MYOCD: variants seen among roughly 807,000 people sequenced by gnomAD.
MYOCD encodes the protein myocardin.
A neutral mutation model predicts 96.1 loss-of-function variants in MYOCD; 32 were observed. That is an observed-to-expected ratio of 0.33 (90% confidence interval 0.25 to 0.45). The LOEUF is 0.45. Ranked by LOEUF, MYOCD falls within the 20% of genes least tolerant of loss-of-function variation. The pLI, the probability that MYOCD is intolerant of heterozygous loss-of-function variation, is 1.00. For synonymous variants in MYOCD, 469 were observed against 469.0 expected, an observed-to-expected ratio of 1.00 and a Z score of 0.00; for missense variants, 1,133 against 1,200.6, an observed-to-expected ratio of 0.94 and a Z score of 0.83.
At chr17:12,742,350 T>C (rs1822791974) in intron 7 of MYOCD, among the ~76,000 whole-genome samples, 1 of 152,124 alleles carries the variant, frequency 6.6e-6, no homozygotes, top group East Asian at 1.9e-4. Context: ...CCAAGTGAGT[T>C]GTAAGCTCCT....
In MYOCD at chr17:12,763,730, C is replaced by CAGA. The variant is rs547629801; in HGVS notation, c.*99_*101dup. On this transcript the variant is annotated 3_prime_UTR_variant, in exon 14 of 14. Coordinates refer to ENST00000425538, the MANE Select transcript of MYOCD (RefSeq NM_001146312.3). ...CCATACATACTTTACTGTCCAAAAA[C>CAGA]AGAAGAAGAAGAAGAGAATTAAAAA... 4.3e-6 allele frequency: 5 copies of CAGA among 1,154,624 alleles called. No homozygotes were observed. The highest frequency in any genetic ancestry group is 4.9e-5 in the East Asian group (2 of 40,540). 71.5% of individuals were successfully genotyped at this position (1,154,624 alleles called of 1,614,324 possible). A position where few individuals can be genotyped will look rare whatever the true frequency, so the allele number is the denominator to read the frequency against.
chr17:12,753,190 C>T lies in MYOCD; in HGVS notation c.1902C>T (p.Ser634=), dbSNP rs1302131108. Residue 634 remains serine (S), a synonymous_variant, in exon 10 of 14, where the codon TCC becomes TCT. Transcript: ENST00000425538. ...LSSTFLSPQC[S]PQHSPLGAVK... is the part of the protein sequence containing the mutation. ...CCACATTTCTCAGCCCCCAGTGTTC[C>T]CCTCAGCATTCACCGCTGGGGGCTG... The T allele has an allele frequency of 6.2e-7, 1 of 1,614,160 alleles. No individual in the cohort carries two copies. Among genetic ancestry groups the T allele is most frequent in the Non-Finnish European group, 8.5e-7 (1 of 1,180,042 alleles).
At chr17:12,668,495 C>T (rs1013637651) in intron 1 of MYOCD, among the ~76,000 whole-genome samples, 1 of 152,232 alleles carries the variant, frequency 6.6e-6, no homozygotes, top group Non-Finnish European at 1.5e-5. Context: ...CGATGTCAAC[C>T]ATGGCCGACC....
intron 2 of MYOCD, 34 bp downstream of exon 2, chr17:12,705,227 A>G (rs766519875): frequency 2.7e-6 from 4 of 1,493,042 alleles, no homozygotes; most frequent in South Asian, 2.3e-5. Context: ...ACTGATATAC[A>G]TAGGGCCACA....
intron 10 of MYOCD, 32 bp downstream of exon 10, chr17:12,753,378 A>C: frequency 6.6e-7 from 1 of 1,507,026 alleles, no homozygotes; most frequent in Non-Finnish European, 8.9e-7. Flanking sequence ...CCTGGTGCAC[A>C]CTTCTTTCTG....
chr17:12,710,978 A>T (rs2031464432), intron 2 of MYOCD, among the ~76,000 whole-genome samples: 1 of 152,176 alleles, frequency 6.6e-6, no homozygotes, highest in South Asian at 2.1e-4. Flanking sequence ...GAGAAATTCC[A>T]AAGTGTTCAC....
chr17:12,666,249 G>T lies in MYOCD; in HGVS notation c.55+6G>T, dbSNP rs1257153165. On this transcript the variant is annotated splice_donor_region_variant and intron_variant, in intron 1 of 13. Coordinates refer to ENST00000425538, the MANE Select transcript of MYOCD (RefSeq NM_001146312.3). ...TAGGAGCAAGTTCAGATCAGGTAGGGCTAAGGCATTTAGCATTCCTTCTTA... is the reference window on the plus strand; with the variant it reads ...TAGGAGCAAGTTCAGATCAGGTAGGTCTAAGGCATTTAGCATTCCTTCTTA... The T allele has an allele frequency of 6.9e-6, 11 of 1,605,430 alleles. No individual in the cohort carries two copies. Among genetic ancestry groups the T allele is most frequent in the Non-Finnish European group, 9.4e-6 (11 of 1,172,250 alleles).
intron 1 of MYOCD, among the ~76,000 whole-genome samples, chr17:12,672,830 G>C (rs1342741732): frequency 6.6e-6 from 1 of 152,112 alleles, no homozygotes; most frequent in Non-Finnish European, 1.5e-5. Context: ...CTCTCACTTG[G>C]TTTGTGCAGC....
chr17:12,722,898 C>G lies in MYOCD; in HGVS notation c.305C>G (p.Ala102Gly), dbSNP rs2031885776. 6.2e-7 allele frequency: 1 copy of G among 1,613,960 alleles called. No homozygotes were observed. Among genetic ancestry groups the G allele is most frequent in the Non-Finnish European group, 8.5e-7 (1 of 1,179,862 alleles). The part of the protein sequence containing the change: ...IPTAQMKLKR[A>G]RLADDLNEKI... The stretch of plus-strand genomic sequence containing the variant: ...ACTGCTCAGATGAAGCTGAAAAGAG[C>G]CCGACTCGCCGATGATCTCAATGAA... The change falls in exon 5 of 14, where the codon GCC becomes GGC. Residue 102 changes from alanine (A) to glycine (G), a missense_variant. Ala to Gly is a moderately conservative substitution (Grantham distance 60). Transcript: ENST00000425538.
At chr17:12,755,787 G>A (rs1161707002) in intron 10 of MYOCD, among the ~76,000 whole-genome samples, 1 of 152,168 alleles carries the variant, frequency 6.6e-6, no homozygotes, top group East Asian at 1.9e-4. Flanking sequence ...TAAGGGAATA[G>A]CCTGAACCTG....
chr17:12,701,360 C>T lies in MYOCD; in HGVS notation c.56-3768C>T, dbSNP rs377036097. 2.8e-4 allele frequency among the ~76,000 whole-genome samples: 43 copies of T among 152,126 alleles called. No homozygotes were observed. The South Asian group carries it at 7.5e-3, about 26-fold the overall frequency. On this transcript the variant is annotated intron_variant, in intron 1 of 13. Coordinates refer to ENST00000425538, the MANE Select transcript of MYOCD (RefSeq NM_001146312.3). ...CTGGGAGTCGGAGGTTGCAGTGAGC[C>T]GAGATCGTGCCACTGCACTCCAGCC... is the stretch of plus-strand genomic sequence containing the variant.
chr17:12,737,780 G>A (rs751601871), intron 6 of MYOCD, among the ~76,000 whole-genome samples: 29 of 152,070 alleles, frequency 1.9e-4, no homozygotes, highest in African/African-American at 6.0e-4. Flanking sequence ...TCAGTGCCTC[G>A]TTTCCCAAAA....
rs143427492 is a variant in MYOCD, at chr17:12,736,264, A to G, written c.519A>G (p.Gln173=). 7.4e-6 allele frequency: 12 copies of G among 1,614,066 alleles called. No individual in the cohort carries two copies. The African/African-American group carries it at 1.2e-4, about 16-fold the overall frequency. The change falls in exon 6 of 14, where the codon CAA becomes CAG. Residue 173 remains glutamine (Q), a synonymous_variant. Transcript: ENST00000425538. ...ATCAGACTCGAAGTGAAGACCCCCA[A>G]AACTCAGCGGGATCCCCGCCAGACG... ...SPDQTRSEDP[Q]NSAGSPPDAK...
At chr17:12,747,459 C>G (rs2032700044) in intron 9 of MYOCD, among the ~76,000 whole-genome samples, 2 of 152,020 alleles carry the variant, frequency 1.3e-5, no homozygotes, top group Admixed American at 1.3e-4. Context: ...AGCAGGACAA[C>G]CGAGAGAAAA....
intron 8 of MYOCD, among the ~76,000 whole-genome samples, chr17:12,745,125 A>G (rs755044082): frequency 6.6e-6 from 1 of 152,060 alleles, no homozygotes; most frequent in Non-Finnish European, 1.5e-5. Context: ...GCTGACAGAC[A>G]CTCTCAAAGA....
intron 1 of MYOCD, among the ~76,000 whole-genome samples, chr17:12,700,031 C>A (rs1288498564): frequency 6.6e-6 from 1 of 151,490 alleles, no homozygotes; most frequent in Admixed American, 6.6e-5. Context: ...GCCTCAGCCT[C>A]CCGAGTAGCT....
chr17:12,686,287 G>A (rs1427098033), intron 1 of MYOCD, among the ~76,000 whole-genome samples: 1 of 152,222 alleles, frequency 6.6e-6, no homozygotes, highest in East Asian at 1.9e-4. Context: ...CTTTACAGAG[G>A]AGGAAACTGA....
intron 5 of MYOCD, among the ~76,000 whole-genome samples, chr17:12,726,057 T>C (rs1452417082): frequency 2.0e-5 from 3 of 152,228 alleles, no homozygotes; most frequent in South Asian, 2.1e-4. Context: ...ATTTTGCATC[T>C]ATTTCATTAT....
intron 3 of MYOCD, among the ~76,000 whole-genome samples, chr17:12,716,474 C>T (rs2031643439): frequency 6.6e-6 from 1 of 152,208 alleles, no homozygotes; most frequent in South Asian, 2.1e-4. Context: ...CTACCGACAG[C>T]CCCATCAAGA....
Sources: gnomAD v4.1 joint callset for allele counts (sites outside exome capture counted in the v4.1 genomes callset) on GRCh38, gnomAD v4.1.1 for gene constraint, MANE v1.5 for transcripts, NCBI Gene and HGNC (gene_info 2026-07-23, HGNC 2026-07-21) for gene names.